The following ANO2 variants were observed in gnomAD, a reference collection of about 807,000 sequenced individuals.
ANO2 encodes anoctamin 2.
ANO2 carries 101 observed loss-of-function variants against 124.2 expected under a neutral mutation model. That is an observed-to-expected ratio of 0.81 (90% CI 0.69 to 0.96). The LOEUF (loss-of-function observed/expected upper bound fraction) is 0.96. Among genes scored for constraint, ANO2 ranks in the 40% least tolerant of loss-of-function variants. ANO2 has a pLI of 0.00. For missense variants in ANO2, 1,293 were observed against 1,274.5 expected, an observed-to-expected ratio of 1.01 and a Z score of -0.22; for synonymous variants, 486 against 482.5, an observed-to-expected ratio of 1.01 and a Z score of -0.09.
At chr12:5,942,278 G>T (rs1942928064) in intron 1 of ANO2, among the ~76,000 whole-genome samples, 1 of 152,016 alleles carries the variant, frequency 6.6e-6, no homozygotes, top group South Asian at 2.1e-4. Flanking sequence ...AGTGTAATGG[G>T]GTAGAATGGA....
intron 16 of ANO2, among the ~76,000 whole-genome samples, chr12:5,625,199 G>T (rs4600295): frequency 1.3e-5 from 2 of 152,152 alleles, no homozygotes; most frequent in Non-Finnish European, 2.9e-5. Context: ...GTGTGGGGGG[G>T]AGTGCGGCAC....
At chr12:5,846,802 C>A (rs927364421) in intron 4 of ANO2, among the ~76,000 whole-genome samples, 1 of 152,146 alleles carries the variant, frequency 6.6e-6, no homozygotes, top group African/African-American at 2.4e-5. Context: ...GATTTAAGTT[C>A]TATTCTAAAT....
intron 1 of ANO2, among the ~76,000 whole-genome samples, chr12:5,934,091 C>T (rs767830608): frequency 3.3e-5 from 5 of 152,200 alleles, no homozygotes; most frequent in African/African-American, 1.2e-4. Context: ...CAACACTAAT[C>T]GCTAACACTT....
intron 3 of ANO2, among the ~76,000 whole-genome samples, chr12:5,858,460 T>C (rs1460104975): frequency 2.0e-5 from 3 of 152,194 alleles, no homozygotes; most frequent in Non-Finnish European, 2.9e-5. Flanking sequence ...GAGATTCAAA[T>C]AGAATCAGTA....
At chr12:5,842,045 A>AC (rs1253297180) in intron 4 of ANO2, among the ~76,000 whole-genome samples, 1 of 151,472 alleles carries the variant, frequency 6.6e-6, no homozygotes, top group Non-Finnish European at 1.5e-5. Flanking sequence ...AACTTCTTAA[A>AC]TTTTTTTTAG....
chr12:5,610,085 T>C (rs530361713), intron 19 of ANO2, among the ~76,000 whole-genome samples: 1 of 133,656 alleles, frequency 7.5e-6, no homozygotes, highest in Admixed American at 7.8e-5. Flanking sequence ...ATAATATAAA[T>C]ATATATATTT....
intron 11 of ANO2, among the ~76,000 whole-genome samples, chr12:5,745,429 T>C (rs2137084426): frequency 6.6e-6 from 1 of 152,318 alleles, no homozygotes; most frequent in Admixed American, 6.5e-5. Flanking sequence ...GAACCACAGC[T>C]GTTTCCAACA....
chr12:5,852,242 G>A (rs377701193), intron 4 of ANO2, among the ~76,000 whole-genome samples: 5 of 152,096 alleles, frequency 3.3e-5, no homozygotes, highest in Non-Finnish European at 7.3e-5. Flanking sequence ...GATGGCACCC[G>A]CATTTGAGGG....
intron 14 of ANO2, among the ~76,000 whole-genome samples, chr12:5,659,854 C>T (rs1276015321): frequency 6.6e-6 from 1 of 152,162 alleles, no homozygotes; most frequent in African/African-American, 2.4e-5. Flanking sequence ...TGCTGTGTGC[C>T]CTGCCTGGAT....
chr12:5,931,057 C>G (rs918108082), intron 1 of ANO2, among the ~76,000 whole-genome samples: 1 of 152,180 alleles, frequency 6.6e-6, no homozygotes, highest in Non-Finnish European at 1.5e-5. Flanking sequence ...TTGCTTCTCT[C>G]TCATCCTGGG....
chr12:5,599,779 A>G, intron 19 of ANO2, 150 bp from the exon 20 acceptor site: 1 of 865,276 alleles, frequency 1.2e-6, no homozygotes, highest in Non-Finnish European at 1.8e-6. Flanking sequence ...TAAAGAGACT[A>G]CTTTTCTCCT....
intron 7 of ANO2, among the ~76,000 whole-genome samples, chr12:5,812,999 CAAGAAAGAAAGAGAGAGAAAGAAAAA>C (rs1953480223): frequency 7.0e-6 from 1 of 143,036 alleles, no homozygotes; most frequent in Non-Finnish European, 1.5e-5. Context: ...AGCAAACAAG[CAAGAAAGAAAGAGAGAGAAAGAAAAA>C]AAGAAAGAGA....
chr12:5,916,722 T>C (rs1418933186), intron 3 of ANO2, among the ~76,000 whole-genome samples: 1 of 102,174 alleles, frequency 9.8e-6, no homozygotes, highest in African/African-American at 2.6e-5. Context: ...TTTTTTTTAA[T>C]TTAAAAAAAA....
chr12:5,621,164 C>T (rs1945100832), intron 16 of ANO2, among the ~76,000 whole-genome samples: 1 of 152,136 alleles, frequency 6.6e-6, no homozygotes, highest in Admixed American at 6.5e-5. Context: ...CCCACTCTTG[C>T]CCCACCCCCG....
intron 10 of ANO2, among the ~76,000 whole-genome samples, chr12:5,758,592 G>T (rs1458806040): frequency 6.6e-6 from 1 of 152,134 alleles, no homozygotes; most frequent in Non-Finnish European, 1.5e-5. Flanking sequence ...AAACAATGAG[G>T]ACCAATTCAG....
At chr12:5,876,285 A>G (rs899758379) in intron 3 of ANO2, among the ~76,000 whole-genome samples, 2 of 152,240 alleles carry the variant, frequency 1.3e-5, no homozygotes, top group Admixed American at 1.3e-4. Context: ...AAAAAGGCAG[A>G]TGAAGTAATT....
chr12:5,807,421 C>T, intron 7 of ANO2, 53 bp from the exon 8 acceptor site: 9 of 1,476,592 alleles, frequency 6.1e-6, no homozygotes, highest in Non-Finnish European at 8.3e-6. Flanking sequence ...CGTTTCTCAA[C>T]TTAACCCCTG....
intron 14 of ANO2, among the ~76,000 whole-genome samples, chr12:5,725,097 T>TCACACACACACACA (rs35973206): frequency 7.0e-6 from 1 of 143,594 alleles, no homozygotes; most frequent in African/African-American, 2.6e-5. Context: ...TGTCTCCCTC[T>TCACACACACACACA]CACACACACA....
Position 5,578,017 on chromosome 12 carries a change from A to G in ANO2, c.2387-10T>C. ...ATGTCAAACCAGATTCCTACAAGAC[A>G]GAAAAGACAGCGTCTGGCTCACTCC... On this transcript the variant is annotated splice_polypyrimidine_tract_variant and intron_variant, in intron 21 of 24. Coordinates refer to ENST00000682330, the MANE Select transcript of ANO2 (RefSeq NM_001364791.2). 6.2e-7 allele frequency: 1 copy of G among 1,613,528 alleles called. No homozygotes were observed. Among genetic ancestry groups the G allele is most frequent in the Non-Finnish European group, 8.5e-7 (1 of 1,179,676 alleles).
Sources: gnomAD v4.1 joint callset for allele counts (sites outside exome capture counted in the v4.1 genomes callset) on GRCh38, gnomAD v4.1.1 for gene constraint, MANE v1.5 for transcripts, NCBI Gene and HGNC (gene_info 2026-07-23, HGNC 2026-07-21) for gene names.